The following ECPAS variants were observed in gnomAD, a reference collection of about 807,000 sequenced individuals.
ECPAS encodes proteasome adapter and scaffold protein ECM29.
Under a neutral mutation model 255.1 loss-of-function variants are expected in ECPAS, and 70 were observed. The ratio of observed to expected loss-of-function variants is 0.27; its 90% CI spans 0.23 to 0.33. ECPAS has a LOEUF of 0.33. Ranked by LOEUF, ECPAS falls within the 10% of genes least tolerant of loss-of-function variation. ECPAS has a pLI of 1.00. For synonymous variants in ECPAS, 784 were observed against 775.0 expected, an observed-to-expected ratio of 1.01 and a Z score of -0.19; for missense variants, 1,817 against 2,206.4, an observed-to-expected ratio of 0.82 and a Z score of 3.54.
Position 111,481,901 on chromosome 9 carries a change from C to G in ECPAS, c.-83+2215G>C, listed in dbSNP as rs113074144. On this transcript the variant is annotated intron_variant, in intron 1 of 49. Transcript: ENST00000684092. ...GAGGTAGGAAGAATACTCAAAATCA[C>G]AGGGACAGAAAGTACAATGATGGTC... Among the ~76,000 whole-genome samples, 246 of 152,240 alleles carry G rather than the reference C, an allele frequency of 1.6e-3. 1 individual carries two copies. The highest frequency in any genetic ancestry group is 5.8e-3 in the African/African-American group (239 of 41,536).
chr9:111,368,817 G>C (rs2098123864), intron 46 of ECPAS, among the ~76,000 whole-genome samples: 1 of 152,204 alleles, frequency 6.6e-6, no homozygotes, highest in South Asian at 2.1e-4. Flanking sequence ...AAGCCACCCA[G>C]TCTGTGATAC....
chr9:111,415,187 A>G (rs1247247752), intron 18 of ECPAS, among the ~76,000 whole-genome samples: 3 of 152,052 alleles, frequency 2.0e-5, no homozygotes, highest in East Asian at 1.9e-4. Flanking sequence ...ACCTAAAATA[A>G]AAGTTAAAAA....
In ECPAS at chr9:111,403,970, C is replaced by A. The variant is rs567800760; in HGVS notation, c.2652+4601G>T. Among the ~76,000 whole-genome samples, 66 of 149,536 alleles carry A rather than the reference C, an allele frequency of 4.4e-4. 4 individuals are homozygous for A. The highest frequency in any genetic ancestry group is 1.7e-3 in the South Asian group (8 of 4,774). Reference sequence around the variant, plus strand: ...GTAATAAGTAGAACTTTGGAAACTACAGAAATACATGGAAATTAAACAACA... The same window carrying A: ...GTAATAAGTAGAACTTTGGAAACTAAAGAAATACATGGAAATTAAACAACA... On this transcript the variant is annotated intron_variant, in intron 24 of 49. Transcript: ENST00000684092.
chr9:111,426,508 T>C (rs1237157750), intron 10 of ECPAS, among the ~76,000 whole-genome samples: 1 of 151,808 alleles, frequency 6.6e-6, no homozygotes, highest in Non-Finnish European at 1.5e-5. Context: ...TACTAAGAGA[T>C]ATAAAAAAGA....
At position 111,370,777 on chromosome 9, in the gene ECPAS, A is replaced by G. The variant is rs997508094; in HGVS notation, c.4738-12T>C. The G allele has an allele frequency of 2.5e-6, 4 of 1,592,768 alleles. No individual in the cohort carries two copies. Among genetic ancestry groups the G allele is most frequent in the Non-Finnish European group, 3.4e-6 (4 of 1,168,738 alleles). On this transcript the variant is annotated splice_polypyrimidine_tract_variant and intron_variant, in intron 43 of 49. Coordinates refer to ENST00000684092, the MANE Select transcript of ECPAS (RefSeq NM_001364929.1). ...TTCAATAGCTCCTCCTAAGGGGTTG[A>G]AAGATGAGGAAATACTATTAAGCCC...
intron 1 of ECPAS, chr9:111,483,533 G>A (rs951566393): frequency 3.1e-6 from 3 of 973,144 alleles, no homozygotes; most frequent in Non-Finnish European, 3.6e-6. Context: ...GGAGGCGGCG[G>A]CCGCAGCCAT....
At chr9:111,437,149 A>C (rs777585308) in intron 6 of ECPAS, 41 bp from the exon 7 acceptor site, 5 of 1,494,436 alleles carry the variant, frequency 3.3e-6, no homozygotes, top group Non-Finnish European at 4.5e-6. Context: ...TAAATACAAA[A>C]GCATTTACAA....
In ECPAS at chr9:111,376,458, ATTATTT is replaced by A; in HGVS notation, c.4020+12_4020+17del. The A allele has an allele frequency of 6.4e-7, 1 of 1,565,930 alleles. No individual in the cohort carries two copies. Among genetic ancestry groups the A allele is most frequent in the Non-Finnish European group, 8.7e-7 (1 of 1,150,484 alleles). On this transcript the variant is annotated intron_variant, in intron 37 of 49. Coordinates refer to ENST00000684092, the MANE Select transcript of ECPAS (RefSeq NM_001364929.1). ...AGGTAAGCAAACAAACCCTCTCATTATTATTTAAGACACTCACCATGTTGATTGTTT... is the reference window on the plus strand; with the variant it reads ...AGGTAAGCAAACAAACCCTCTCATTAAAGACACTCACCATGTTGATTGTTT...
chr9:111,363,800 G>C (rs902689109), intron 48 of ECPAS, 141 bp from the exon 49 acceptor site: 1 of 567,398 alleles, frequency 1.8e-6, no homozygotes, highest in African/African-American at 2.0e-5. Flanking sequence ...TTTAAAGGAA[G>C]CTTCCCTTTG....
chr9:111,446,648 A>G (rs2098253410), intron 3 of ECPAS, among the ~76,000 whole-genome samples: 1 of 152,092 alleles, frequency 6.6e-6, no homozygotes, highest in South Asian at 2.1e-4. Context: ...GTTTCTATGC[A>G]CTCTTCCCCC....
intron 24 of ECPAS, among the ~76,000 whole-genome samples, chr9:111,397,570 G>T (rs957104829): frequency 2.0e-5 from 3 of 151,966 alleles, no homozygotes; most frequent in African/African-American, 4.8e-5. Context: ...TTGTAAAAGG[G>T]GCATAATATC....
At chr9:111,464,421 T>G (rs940238772) in intron 2 of ECPAS, among the ~76,000 whole-genome samples, 1 of 140,286 alleles carries the variant, frequency 7.1e-6, no homozygotes, top group African/African-American at 2.7e-5. Context: ...CTGAGCAAGA[T>G]CCTATCTCAA....
At position 111,387,561 on chromosome 9, in the gene ECPAS, A is replaced by AC. The variant is rs541988760; in HGVS notation, c.3448-1106dup. On this transcript the variant is annotated intron_variant, in intron 31 of 49. Coordinates refer to ENST00000684092, the MANE Select transcript of ECPAS (RefSeq NM_001364929.1). ...TCATCATCAGTGCAGTTACTGAGGG[A>AC]CACTGTCTCACTCACTGTCAGTGCA... 2.8e-3 allele frequency among the ~76,000 whole-genome samples: 423 copies of AC among 151,136 alleles called. 3 individuals carry two copies. Among genetic ancestry groups the AC allele is most frequent in the African/African-American group, 0.01 (413 of 40,990 alleles).
intron 8 of ECPAS, among the ~76,000 whole-genome samples, chr9:111,431,247 G>C (rs1445504078): frequency 6.6e-6 from 1 of 152,084 alleles, no homozygotes; most frequent in African/African-American, 2.4e-5. Flanking sequence ...CCACAATAAG[G>C]TGAATTCAGA....
chr9:111,470,755 C>CACACAT (rs1383978134), intron 2 of ECPAS, among the ~76,000 whole-genome samples: 22 of 149,932 alleles, frequency 1.5e-4, no homozygotes, highest in African/African-American at 5.2e-4. Context: ...GCCACACACA[C>CACACAT]ACACACACAC....
chr9:111,362,349 T>C (rs866465135), intron 49 of ECPAS, among the ~76,000 whole-genome samples, 180 bp from the exon 50 acceptor site: 11 of 152,176 alleles, frequency 7.2e-5, no homozygotes, highest in African/African-American at 2.7e-4. Flanking sequence ...ATACTGTCAA[T>C]ATGTGTCTCA....
At chr9:111,449,292 T>A (rs1053138192) in intron 3 of ECPAS, among the ~76,000 whole-genome samples, 1 of 152,122 alleles carries the variant, frequency 6.6e-6, no homozygotes, top group Admixed American at 6.5e-5. Flanking sequence ...AGTTTCCTTT[T>A]AAAATGACCC....
rs773627321 is a variant in ECPAS at position 111,440,350 on chromosome 9, T to C, written c.539+22A>G. On this transcript the variant is annotated intron_variant, in intron 6 of 49. Coordinates refer to ENST00000684092, the MANE Select transcript of ECPAS (RefSeq NM_001364929.1). ...GTAGTAAAAGCAGTCAAGAACAAGG[T>C]TGCTTTTATTTTTTAACTCACCCAT... 37 of 1,579,328 alleles carry C rather than the reference T, an allele frequency of 2.3e-5. 1 individual carries two copies. Among genetic ancestry groups the C allele is most frequent in the Non-Finnish European group, 2.5e-5 (29 of 1,158,728 alleles).
chr9:111,422,415 T>C (rs762031859), intron 13 of ECPAS, among the ~76,000 whole-genome samples: 15 of 152,192 alleles, frequency 9.9e-5, no homozygotes, highest in Non-Finnish European at 1.9e-4. Context: ...CCCTCTATAA[T>C]ATTCCATGCA....
Sources: gnomAD v4.1 joint callset for allele counts (sites outside exome capture counted in the v4.1 genomes callset) on GRCh38, gnomAD v4.1.1 for gene constraint, MANE v1.5 for transcripts, NCBI Gene and HGNC (gene_info 2026-07-23, HGNC 2026-07-21) for gene names.